Variants in AUTS2 observed in about 807,000 individuals in gnomAD.
AUTS2 encodes the protein autism susceptibility gene 2 protein.
Under a neutral mutation model 112.4 loss-of-function variants are expected in AUTS2, and 17 were observed. The observed-to-expected ratio is 0.15, with a 90% confidence interval of 0.10 to 0.23. The LOEUF (loss-of-function observed/expected upper bound fraction) is 0.23. AUTS2 is among the 10% of genes least tolerant of loss of function. The probability of loss-of-function intolerance (pLI) is 1.00; values close to 1 mark genes in which losing one functional copy is unlikely to be tolerated. For missense variants in AUTS2, 1,510 were observed against 1,701.6 expected, an observed-to-expected ratio of 0.89 and a Z score of 1.98; for synonymous variants, 751 against 702.7, an observed-to-expected ratio of 1.07 and a Z score of -1.09.
chr7:70,354,837 T>C (rs942080052), intron 4 of AUTS2, among the ~76,000 whole-genome samples: 8 of 152,236 alleles, frequency 5.3e-5, no homozygotes, highest in Admixed American at 3.9e-4. Context: ...ATGCATTGAG[T>C]TACAGGAAAT....
chr7:70,020,948 G>A (rs1800242753), intron 2 of AUTS2, among the ~76,000 whole-genome samples: 1 of 152,148 alleles, frequency 6.6e-6, no homozygotes, highest in Non-Finnish European at 1.5e-5. Context: ...TGGGATTATA[G>A]GCATGAGCCA....
intron 5 of AUTS2, among the ~76,000 whole-genome samples, chr7:70,586,184 C>G (rs1001425256): frequency 6.6e-6 from 1 of 151,978 alleles, no homozygotes; most frequent in Admixed American, 6.5e-5. Flanking sequence ...TTAAAACACT[C>G]GAAACAATGC....
chr7:70,295,203 A>T lies in AUTS2; in HGVS notation c.661-140549A>T, dbSNP rs79338929. ...TTAGTGTCTCCTTAAGATGGGTCTT[A>T]ATCACTGACGTTGTGTGCTTCCATT... On this transcript the variant is annotated intron_variant, in intron 4 of 18. Coordinates refer to ENST00000342771, the MANE Select transcript of AUTS2 (RefSeq NM_015570.4). Among the ~76,000 whole-genome samples the T allele has an allele frequency of 7.8e-3, 1,191 of 152,322 alleles. 11 individuals are homozygous for T. The highest frequency in any genetic ancestry group is 0.014 in the Non-Finnish European group (922 of 68,024).
At position 70,525,700 on chromosome 7, in the gene AUTS2, T is replaced by A. The variant is rs73450529; in HGVS notation, c.690+89919T>A. On this transcript the variant is annotated intron_variant, in intron 5 of 18. Coordinates refer to ENST00000342771, the MANE Select transcript of AUTS2 (RefSeq NM_015570.4). The stretch of plus-strand genomic sequence containing the variant: ...CATTGAGATTTGGCAGGACCAAAAC[T>A]GAGCATTGGAAAAGGGATGGAAAAG... Among the ~76,000 whole-genome samples, 1,300 of 152,246 alleles carry A rather than the reference T, an allele frequency of 8.5e-3. 20 individuals are homozygous for A. Among genetic ancestry groups the A allele is most frequent in the African/African-American group, 0.03 (1,235 of 41,544 alleles).
intron 5 of AUTS2, among the ~76,000 whole-genome samples, chr7:70,499,000 C>G (rs1187491569): frequency 6.6e-6 from 1 of 152,174 alleles, no homozygotes; most frequent in East Asian, 1.9e-4. Flanking sequence ...GAGAATGGCT[C>G]CAGTCACCAG....
intron 1 of AUTS2, among the ~76,000 whole-genome samples, chr7:69,661,469 G>A: frequency 6.6e-6 from 1 of 152,134 alleles, no homozygotes; most frequent in Non-Finnish European, 1.5e-5. Flanking sequence ...TATAAATGCA[G>A]GCACTATTTA....
intron 6 of AUTS2, among the ~76,000 whole-genome samples, chr7:70,737,115 G>A (rs1294327873): frequency 6.6e-6 from 1 of 152,180 alleles, no homozygotes. Flanking sequence ...ACATCTGGTG[G>A]AGACCCTGAT....
chr7:70,213,379 A>T lies in AUTS2; in HGVS notation c.660+78808A>T, dbSNP rs1019091889. ...CCCTTTCTAAAAAAAAAAAAAAAAA[A>T]GCCAAGTGCAGCAGCATATGCCTGT... On this transcript the variant is annotated intron_variant, in intron 4 of 18. Transcript: ENST00000342771. Among the ~76,000 whole-genome samples, 3 of 149,198 alleles carry T rather than the reference A, an allele frequency of 2.0e-5. No individual in the cohort carries two copies. In the East Asian group the frequency reaches 5.9e-4, roughly 29 times the overall value.
chr7:69,676,087 T>C (rs1796550775), intron 1 of AUTS2, among the ~76,000 whole-genome samples: 1 of 152,220 alleles, frequency 6.6e-6, no homozygotes, highest in Admixed American at 6.5e-5. Context: ...TGGCAATTCC[T>C]GAACCAAAGG....
At chr7:70,262,672 C>T (rs146399011) in intron 4 of AUTS2, among the ~76,000 whole-genome samples, 20 of 152,166 alleles carry the variant, frequency 1.3e-4, no homozygotes, top group South Asian at 8.3e-4. Context: ...CTGAAATCTC[C>T]GGATTTAGGT....
chr7:69,681,398 T>C (rs1421532413), intron 1 of AUTS2, among the ~76,000 whole-genome samples: 1 of 152,192 alleles, frequency 6.6e-6, no homozygotes, highest in African/African-American at 2.4e-5. Context: ...CCCAGTCTTT[T>C]AAACAGCCCC....
chr7:70,064,714 T>G (rs918505163), intron 2 of AUTS2, among the ~76,000 whole-genome samples: 3 of 152,148 alleles, frequency 2.0e-5, no homozygotes, highest in Non-Finnish European at 4.4e-5. Flanking sequence ...CCAAAATGGA[T>G]GGTGAAATTC....
chr7:70,273,853 G>A (rs1357828836), intron 4 of AUTS2, among the ~76,000 whole-genome samples: 1 of 152,166 alleles, frequency 6.6e-6, no homozygotes, highest in Non-Finnish European at 1.5e-5. Context: ...TGTGGTTCAA[G>A]GGTCAACTGT....
At chr7:70,262,638 C>T (rs1787224873) in intron 4 of AUTS2, among the ~76,000 whole-genome samples, 1 of 152,150 alleles carries the variant, frequency 6.6e-6, no homozygotes, top group African/African-American at 2.4e-5. Context: ...TGAATGGTAG[C>T]AATACAATTT....
intron 5 of AUTS2, among the ~76,000 whole-genome samples, chr7:70,531,864 A>G (rs1272140232): frequency 1.3e-5 from 2 of 152,210 alleles, no homozygotes; most frequent in Non-Finnish European, 2.9e-5. Flanking sequence ...AGCGACTTTA[A>G]ACAACTATTT....
At chr7:70,393,117 G>A (rs1228757186) in intron 4 of AUTS2, among the ~76,000 whole-genome samples, 1 of 152,200 alleles carries the variant, frequency 6.6e-6, no homozygotes, top group Non-Finnish European at 1.5e-5. Flanking sequence ...AATGCTCAGA[G>A]GGGCTCCTCT....
chr7:70,493,668 A>G (rs1798335948), intron 5 of AUTS2, among the ~76,000 whole-genome samples: 1 of 152,168 alleles, frequency 6.6e-6, no homozygotes, highest in African/African-American at 2.4e-5. Flanking sequence ...AAGCATAAGT[A>G]TCAGCCTGGA....
At chr7:70,070,809 T>C (rs1441049574) in intron 2 of AUTS2, among the ~76,000 whole-genome samples, 1 of 150,524 alleles carries the variant, frequency 6.6e-6, no homozygotes, top group Admixed American at 6.6e-5. Context: ...GAGGTGGAGG[T>C]TGCGGTGAGC....
intron 4 of AUTS2, among the ~76,000 whole-genome samples, chr7:70,304,470 G>A (rs1051462067): frequency 3.9e-5 from 6 of 152,164 alleles, no homozygotes; most frequent in Non-Finnish European, 5.9e-5. Flanking sequence ...GGCAGTGTCG[G>A]CATCAATAGG....
Sources: gnomAD v4.1 joint callset for allele counts (sites outside exome capture counted in the v4.1 genomes callset) on GRCh38, gnomAD v4.1.1 for gene constraint, MANE v1.5 for transcripts, NCBI Gene and HGNC (gene_info 2026-07-23, HGNC 2026-07-21) for gene names.